The following MARK1 variants were observed in gnomAD, a reference collection of about 807,000 sequenced individuals.
MARK1 encodes serine/threonine-protein kinase MARK1.
Under a neutral mutation model 96.3 loss-of-function variants are expected in MARK1, and 40 were observed. The observed-to-expected ratio is 0.42, with a 90% CI of 0.32 to 0.54. The LOEUF is 0.54. Among genes scored for constraint, MARK1 ranks in the 20% least tolerant of loss-of-function variants. MARK1 has a pLI of 0.16. For synonymous variants in MARK1, 317 were observed against 341.2 expected, an observed-to-expected ratio of 0.93 and a Z score of 0.78; for missense variants, 719 against 984.6, an observed-to-expected ratio of 0.73 and a Z score of 3.61.
chr1:220,595,511 C>A (rs987593212), intron 3 of MARK1, among the ~76,000 whole-genome samples: 3 of 152,138 alleles, frequency 2.0e-5, no homozygotes, highest in Non-Finnish European at 4.4e-5. Context: ...TCAAAGGGGC[C>A]ATTAGGACTG....
At chr1:220,569,292 A>G (rs1663271646) in intron 1 of MARK1, among the ~76,000 whole-genome samples, 1 of 152,130 alleles carries the variant, frequency 6.6e-6, no homozygotes, top group South Asian at 2.1e-4. Context: ...CATATGTTAC[A>G]AATATTTTTT....
chr1:220,614,279 C>T (rs1478611804), intron 6 of MARK1, among the ~76,000 whole-genome samples: 6 of 151,902 alleles, frequency 3.9e-5, no homozygotes, highest in East Asian at 3.9e-4. Context: ...CCCAAAGTGC[C>T]GAGATTATAG....
At chr1:220,557,303 G>A (rs748731771) in intron 1 of MARK1, among the ~76,000 whole-genome samples, 3 of 152,114 alleles carry the variant, frequency 2.0e-5, no homozygotes, top group Admixed American at 6.5e-5. Context: ...AGCTGGGTGC[G>A]GTGGCTCACG....
At chr1:220,600,428 CAT>C (rs1162570419) in intron 5 of MARK1, among the ~76,000 whole-genome samples, 10 of 152,170 alleles carry the variant, frequency 6.6e-5, no homozygotes, top group Non-Finnish European at 7.4e-5. Flanking sequence ...TAGAATATCA[CAT>C]ATGTTTTAAC....
At chr1:220,639,015 G>A (rs1668124969) in intron 13 of MARK1, among the ~76,000 whole-genome samples, 1 of 152,188 alleles carries the variant, frequency 6.6e-6, no homozygotes, top group South Asian at 2.1e-4. Context: ...AGGCCATGGA[G>A]GAAGGCTTGC....
chr1:220,589,135 C>G (rs149375350), intron 3 of MARK1, among the ~76,000 whole-genome samples: 90 of 152,252 alleles, frequency 5.9e-4, no homozygotes, highest in East Asian at 5.6e-3. Context: ...CAAGATCAAG[C>G]AAGCGATGGC....
chr1:220,649,811 G>A (rs1325298120), intron 13 of MARK1, among the ~76,000 whole-genome samples: 1 of 152,140 alleles, frequency 6.6e-6, no homozygotes, highest in African/African-American at 2.4e-5. Context: ...TTAGTCAAAA[G>A]TAGCAAAAAT....
intron 1 of MARK1, among the ~76,000 whole-genome samples, chr1:220,544,366 T>A (rs768377078): frequency 6.6e-6 from 1 of 152,192 alleles, no homozygotes; most frequent in African/African-American, 2.4e-5. Flanking sequence ...CACGAATGGC[T>A]TAATGTTTTC....
At chr1:220,634,469 A>G (rs1263798684) in intron 11 of MARK1, among the ~76,000 whole-genome samples, 1 of 152,186 alleles carries the variant, frequency 6.6e-6, no homozygotes, top group Non-Finnish European at 1.5e-5. Context: ...TTTCTTATCT[A>G]TAAAATGAGG....
At chr1:220,644,789 A>G (rs776276829) in intron 13 of MARK1, among the ~76,000 whole-genome samples, 1 of 152,174 alleles carries the variant, frequency 6.6e-6, no homozygotes, top group Non-Finnish European at 1.5e-5. Flanking sequence ...AAAACCACAT[A>G]ATTACATGGA....
intron 10 of MARK1, among the ~76,000 whole-genome samples, chr1:220,631,574 C>T (rs1667681337): frequency 6.6e-6 from 1 of 152,174 alleles, no homozygotes; most frequent in Non-Finnish European, 1.5e-5. Flanking sequence ...CCTCCTCACT[C>T]GTCCTGCTAC....
At chr1:220,560,310 A>G (rs959003823) in intron 1 of MARK1, among the ~76,000 whole-genome samples, 2 of 152,158 alleles carry the variant, frequency 1.3e-5, no homozygotes, top group East Asian at 3.9e-4. Context: ...GATGGCTGAA[A>G]CTGCAGATAT....
At chr1:220,629,853 T>A (rs1159899389) in intron 9 of MARK1, among the ~76,000 whole-genome samples, 1 of 152,226 alleles carries the variant, frequency 6.6e-6, no homozygotes, top group Non-Finnish European at 1.5e-5. Context: ...CATTTGTCAA[T>A]GGACATTTAG....
chr1:220,635,829 A>T lies in MARK1; in HGVS notation c.1277-4A>T. 6.4e-7 allele frequency: 1 copy of T among 1,558,138 alleles called. No individual in the cohort carries two copies. Among genetic ancestry groups the T allele is most frequent in the Non-Finnish European group, 8.6e-7 (1 of 1,157,828 alleles). ...TCATTATGCTATTTTTAAAAAAATTATAGCTGGTCCATCCATTCCTCCTGC... is the reference window on the plus strand; with the variant it reads ...TCATTATGCTATTTTTAAAAAAATTTTAGCTGGTCCATCCATTCCTCCTGC... On this transcript the variant is annotated splice_region_variant and splice_polypyrimidine_tract_variant and intron_variant, in intron 12 of 17. Transcript: ENST00000366917.
At chr1:220,546,972 CAAAA>C (rs56026911) in intron 1 of MARK1, among the ~76,000 whole-genome samples, 31 of 131,070 alleles carry the variant, frequency 2.4e-4, no homozygotes, top group East Asian at 4.4e-4. Context: ...ACTCCGTCTC[CAAAA>C]AAAAAAAAAA....
rs112968910 is a variant in MARK1, at chr1:220,586,011, A to ACACACACACGCACGCACGCG, written c.309+4894_309+4895insACACACACGCACGCACGCGC. On this transcript the variant is annotated intron_variant, in intron 3 of 17. Coordinates refer to ENST00000366917, the MANE Select transcript of MARK1 (RefSeq NM_018650.5). The stretch of plus-strand genomic sequence containing the variant: ...CACACACACACACACACACACACAC[A>ACACACACACGCACGCACGCG]CGCGCGCGTGCGCAGAGAGAGAGAG... 2.7e-5 allele frequency among the ~76,000 whole-genome samples: 4 copies of ACACACACACGCACGCACGCG among 148,636 alleles called. 1 individual carries two copies. Among genetic ancestry groups the ACACACACACGCACGCACGCG allele is most frequent in the African/African-American group, 5.1e-5 (2 of 39,038 alleles).
rs189029357 is a variant in MARK1 at position 220,577,486 on chromosome 1, T to G, written c.52-1868T>G. Among the ~76,000 whole-genome samples the G allele has an allele frequency of 5.3e-5, 8 of 152,362 alleles. No homozygotes were observed. In the East Asian group the frequency reaches 1.2e-3, roughly 22 times the overall value. ...TTGTATTTTACTCCTTCTTACATTA[T>G]TTTCATTGCAGTTCTCAAATGTTGG... is the stretch of plus-strand genomic sequence containing the variant. On this transcript the variant is annotated intron_variant, in intron 1 of 17. Coordinates refer to ENST00000366917, the MANE Select transcript of MARK1 (RefSeq NM_018650.5).
At chr1:220,617,414 G>A (rs1666815736) in intron 7 of MARK1, among the ~76,000 whole-genome samples, 1 of 152,144 alleles carries the variant, frequency 6.6e-6, no homozygotes, top group Non-Finnish European at 1.5e-5. Flanking sequence ...GTAATATAGA[G>A]AAATCTGATT....
intron 1 of MARK1, among the ~76,000 whole-genome samples, chr1:220,530,828 A>T (rs574715301): frequency 6.6e-6 from 1 of 152,208 alleles, no homozygotes; most frequent in Non-Finnish European, 1.5e-5. Context: ...TGTGTTGTAC[A>T]TAATGATATC....
Sources: gnomAD v4.1 joint callset for allele counts (sites outside exome capture counted in the v4.1 genomes callset) on GRCh38, gnomAD v4.1.1 for gene constraint, MANE v1.5 for transcripts, NCBI Gene and HGNC (gene_info 2026-07-23, HGNC 2026-07-21) for gene names.